SRP54: variants seen among roughly 807,000 people sequenced by gnomAD.
The protein encoded by SRP54 is signal recognition particle 54.
A neutral mutation model predicts 64.8 loss-of-function variants in SRP54; 10 were observed. The ratio of observed to expected loss-of-function variants is 0.15; its 90% CI spans 0.10 to 0.26. The LOEUF is 0.26. Ranked by LOEUF, SRP54 falls within the 10% of genes least tolerant of loss-of-function variation. The probability of loss-of-function intolerance (pLI) is 1.00; values close to 1 mark genes in which losing one functional copy is unlikely to be tolerated. For missense variants in SRP54, 325 were observed against 613.7 expected (o/e 0.53, Z 4.97); for synonymous variants, 193 against 185.6 (o/e 1.04, Z -0.32).
intron 12 of SRP54, 55 bp from the exon 13 acceptor site, chr14:35,018,911 A>G: frequency 6.6e-7 from 1 of 1,521,268 alleles, no homozygotes; most frequent in Non-Finnish European, 9.1e-7. Context: ...AAATGTGGAC[A>G]TTTTGAACCA....
intron 4 of SRP54, among the ~76,000 whole-genome samples, chr14:35,002,900 C>G (rs2044199965): frequency 6.6e-6 from 1 of 151,974 alleles, no homozygotes; most frequent in Admixed American, 6.6e-5. Flanking sequence ...TACATGCCAC[C>G]ACGCCCAGCT....
At chr14:34,999,501 A>T in intron 2 of SRP54, 57 bp from the exon 3 acceptor site, 1 of 1,322,122 alleles carries the variant, frequency 7.6e-7, no homozygotes, top group Admixed American at 1.8e-5. Flanking sequence ...AATTGTTTTT[A>T]TGGAACTGAA....
chr14:34,998,294 C>T (rs1158668618), intron 2 of SRP54, among the ~76,000 whole-genome samples: 1 of 152,130 alleles, frequency 6.6e-6, no homozygotes, highest in Non-Finnish European at 1.5e-5. Context: ...AGTGTGTGAG[C>T]ACTTTATATA....
At chr14:35,002,537 A>G (rs993841090) in intron 4 of SRP54, among the ~76,000 whole-genome samples, 3 of 151,616 alleles carry the variant, frequency 2.0e-5, no homozygotes, top group African/African-American at 7.3e-5. Flanking sequence ...GGTTCAAGCA[A>G]TTCTCCTGCC....
At chr14:34,994,473 G>A (rs1400527242) in intron 1 of SRP54, among the ~76,000 whole-genome samples, 1 of 152,124 alleles carries the variant, frequency 6.6e-6, no homozygotes, top group Admixed American at 6.6e-5. Context: ...TCCCCAGACC[G>A]TGTTTTTAGA....
chr14:35,019,009 A>G lies in SRP54; in HGVS notation c.1091A>G (p.Asn364Ser). The change falls in exon 13 of 16, where the codon AAT becomes AGT. Residue 364 changes from asparagine to serine, a missense_variant. Coordinates refer to ENST00000216774, the MANE Select transcript of SRP54 (RefSeq NM_003136.4). ...GFGTDFMSKG[N>S]EQESMARLKK... ...GGGACAGATTTTATGAGCAAAGGAA[A>G]TGAACAGGAGTCAATGGCAAGGCTA... 1 of 1,613,926 alleles carries G rather than the reference A, an allele frequency of 6.2e-7. No individual in the cohort carries two copies. The highest frequency in any genetic ancestry group is 8.5e-7 in the Non-Finnish European group (1 of 1,179,912).
At chr14:34,992,220 A>T (rs1594979398) in intron 1 of SRP54, among the ~76,000 whole-genome samples, 1 of 152,218 alleles carries the variant, frequency 6.6e-6, no homozygotes, top group Non-Finnish European at 1.5e-5. Context: ...GGCGTGAGCC[A>T]CTGGGCCCGG....
intron 13 of SRP54, chr14:35,019,307 A>T (rs2044489655): frequency 2.9e-6 from 1 of 340,960 alleles, no homozygotes; most frequent in Non-Finnish European, 5.5e-6. Flanking sequence ...ACAAGGAAAG[A>T]ACACTAGTTC....
At chr14:35,001,846 T>G (rs2044178377) in intron 4 of SRP54, among the ~76,000 whole-genome samples, 1 of 152,060 alleles carries the variant, frequency 6.6e-6, no homozygotes, top group African/African-American at 2.4e-5. Context: ...GGTGAAAATC[T>G]TAGAGCTTAA....
rs543216796 is a variant in SRP54, at chr14:34,991,034, A to G, written c.-33-5643A>G. On this transcript the variant is annotated intron_variant, in intron 1 of 15. Transcript: ENST00000216774. ...GGATTTACTGTATAAGGCTGAGGAT[A>G]GATAAAGCAGTGAGCTCACAGGAGA... is the stretch of plus-strand genomic sequence containing the variant. 6.4e-4 allele frequency among the ~76,000 whole-genome samples: 98 copies of G among 152,046 alleles called. 2 individuals carry two copies. In the South Asian group the frequency reaches 0.02, roughly 31 times the overall value.
chr14:34,985,413 T>G (rs1405532007), intron 1 of SRP54, among the ~76,000 whole-genome samples: 1 of 152,204 alleles, frequency 6.6e-6, no homozygotes, highest in Non-Finnish European at 1.5e-5. Flanking sequence ...CTAGAGATAT[T>G]GGAATCATTT....
chr14:35,026,021 A>G (rs561753129), intron 14 of SRP54, among the ~76,000 whole-genome samples: 1 of 150,372 alleles, frequency 6.7e-6, no homozygotes, highest in South Asian at 2.1e-4. Context: ...AGAGCACTGC[A>G]TTCCAGCCTG....
At chr14:35,000,830 T>A in intron 3 of SRP54, 106 bp from the exon 4 acceptor site, 1 of 497,916 alleles carries the variant, frequency 2.0e-6, no homozygotes, top group African/African-American at 2.0e-5. Context: ...ACTATTAATA[T>A]GAATGACTGA....
chr14:35,025,944 A>C (rs1319617454), intron 14 of SRP54, among the ~76,000 whole-genome samples: 1 of 151,802 alleles, frequency 6.6e-6, no homozygotes, highest in African/African-American at 2.4e-5. Flanking sequence ...TAATCCCAGC[A>C]CTTTGAGAGG....
rs57037784 is a variant in SRP54 at position 35,023,787 on chromosome 14, A to AACACACACACACACACACACAC, written c.1327+722_1327+743dup. Among the ~76,000 whole-genome samples, 31 of 140,368 alleles carry AACACACACACACACACACACAC rather than the reference A, an allele frequency of 2.2e-4. 1 individual carries two copies. Among genetic ancestry groups the AACACACACACACACACACACAC allele is most frequent in the East Asian group, 1.3e-3 (6 of 4,628 alleles). 92.1% of individuals were successfully genotyped at this position (140,368 alleles called of 152,430 possible). On this transcript the variant is annotated intron_variant, in intron 14 of 15. Coordinates refer to ENST00000216774, the MANE Select transcript of SRP54 (RefSeq NM_003136.4). ...CAGCAGAGTGAGACTCCGGTCCCCA[A>AACACACACACACACACACACAC]ACACACACACACACACACACACACA...
intron 2 of SRP54, among the ~76,000 whole-genome samples, chr14:34,998,077 C>T (rs1484199143): frequency 6.6e-6 from 1 of 151,980 alleles, no homozygotes; most frequent in Non-Finnish European, 1.5e-5. Flanking sequence ...AGTGAAAGAT[C>T]AGTTCGAATT....
chr14:35,008,370 A>G (rs1305761923), intron 5 of SRP54, among the ~76,000 whole-genome samples: 2 of 152,204 alleles, frequency 1.3e-5, no homozygotes, highest in African/African-American at 4.8e-5. Flanking sequence ...TTTAATTAAC[A>G]TTAATAGTAG....
chr14:35,019,722 G>A (rs1213059493), intron 13 of SRP54, among the ~76,000 whole-genome samples: 1 of 152,132 alleles, frequency 6.6e-6, no homozygotes, highest in Non-Finnish European at 1.5e-5. Context: ...TTTGGTTCTA[G>A]ACCACTGCAG....
At chr14:34,983,280 T>C (rs2043836035) in intron 1 of SRP54, 65 bp downstream of exon 1, 1 of 152,310 alleles carries the variant, frequency 6.6e-6, no homozygotes, top group African/African-American at 2.4e-5. Flanking sequence ...CCAGCGCTGC[T>C]CAGGAGGCGA....
Sources: allele counts gnomAD v4.1 joint callset (sites outside exome capture counted in the v4.1 genomes callset), GRCh38; gene constraint gnomAD v4.1.1; transcripts MANE v1.5; gene names NCBI Gene and HGNC (gene_info 2026-07-23, HGNC 2026-07-21).